Variants in COBLL1 observed in about 807,000 individuals in gnomAD.
The protein encoded by COBLL1 is cordon-bleu WH2 repeat protein like 1, also known as cordon-bleu protein-like 1.
COBLL1 carries 50 observed loss-of-function variants against 94.8 expected under a neutral mutation model. That is an observed-to-expected ratio of 0.53 (90% CI 0.42 to 0.67). The LOEUF (loss-of-function observed/expected upper bound fraction) is 0.67. COBLL1 is among the 30% of genes least tolerant of loss of function. The pLI is 0.00. For missense variants in COBLL1, 1,362 were observed against 1,348.7 expected, an observed-to-expected ratio of 1.01 and a Z score of -0.15; for synonymous variants, 448 against 473.8, an observed-to-expected ratio of 0.95 and a Z score of 0.71.
chr2:164,822,734 A>T (rs1318078412), intron 2 of COBLL1, among the ~76,000 whole-genome samples: 1 of 139,480 alleles, frequency 7.2e-6, no homozygotes, highest in Non-Finnish European at 1.6e-5. Flanking sequence ...AGATTATATT[A>T]TATTATTATT....
At chr2:164,742,531 T>C (rs1171836588) in intron 3 of COBLL1, among the ~76,000 whole-genome samples, 1 of 152,124 alleles carries the variant, frequency 6.6e-6, no homozygotes, top group African/African-American at 2.4e-5. Flanking sequence ...CATCCACAGC[T>C]GCAGGTGGGA....
At chr2:164,834,148 A>G (rs532389614) in intron 2 of COBLL1, among the ~76,000 whole-genome samples, 42 of 152,238 alleles carry the variant, frequency 2.8e-4, no homozygotes, top group Non-Finnish European at 5.3e-4. Flanking sequence ...AAGCTTGAGT[A>G]TATGAGTATC....
rs144171403 is a variant in COBLL1, at chr2:164,756,320, T to TA, written c.42-12446dup. 5.2e-3 allele frequency among the ~76,000 whole-genome samples: 793 copies of TA among 152,304 alleles called. 12 individuals carry two copies. Among genetic ancestry groups the TA allele is most frequent in the African/African-American group, 0.018 (732 of 41,572 alleles). ...TTTAATATTCACTATGATAGCCAGTTACTGAGATGCTAAGTAACATAATTC... is the reference window on the plus strand; with the variant it reads ...TTTAATATTCACTATGATAGCCAGTTAACTGAGATGCTAAGTAACATAATTC... On this transcript the variant is annotated intron_variant, in intron 2 of 13. Coordinates refer to ENST00000652658, the MANE Select transcript of COBLL1 (RefSeq NM_001365672.2).
intron 2 of COBLL1, among the ~76,000 whole-genome samples, chr2:164,772,689 T>C (rs773318636): frequency 3.3e-5 from 5 of 152,110 alleles, no homozygotes; most frequent in Non-Finnish European, 7.4e-5. Context: ...AATTAAAGGA[T>C]GCATTTAGCT....
chr2:164,818,545 A>G (rs1684970001), intron 2 of COBLL1, among the ~76,000 whole-genome samples: 1 of 148,642 alleles, frequency 6.7e-6, no homozygotes, highest in Non-Finnish European at 1.5e-5. Context: ...ATTTACATAT[A>G]TGTGTACATA....
intron 2 of COBLL1, among the ~76,000 whole-genome samples, chr2:164,805,096 AT>A (rs1684023483): frequency 1.3e-5 from 2 of 151,738 alleles, no homozygotes; most frequent in African/African-American, 4.8e-5. Flanking sequence ...ACTTTTCCAT[AT>A]TAATATTTGA....
downstream of COBLL1, among the ~76,000 whole-genome samples, chr2:164,678,904 A>G (rs988499466): frequency 6.6e-6 from 1 of 152,168 alleles, no homozygotes; most frequent in Non-Finnish European, 1.5e-5. Context: ...GAAAATGGTC[A>G]ACGCATGTTC....
intron 2 of COBLL1, among the ~76,000 whole-genome samples, chr2:164,833,562 T>G (rs1209855994): frequency 6.6e-6 from 1 of 151,514 alleles, no homozygotes. Flanking sequence ...GCCATTCTCC[T>G]GCCTCAGCCT....
At chr2:164,737,121 C>T (rs1225378080) in intron 3 of COBLL1, among the ~76,000 whole-genome samples, 1 of 152,082 alleles carries the variant, frequency 6.6e-6, no homozygotes. Context: ...ATGATTACAC[C>T]ACTGCACTCC....
At position 164,682,785 on chromosome 2, in the gene COBLL1, A is replaced by G. The variant is rs1683096852; in HGVS notation, c.*3161T>C. On this transcript the variant is annotated 3_prime_UTR_variant, in exon 14 of 14. Coordinates refer to ENST00000652658, the MANE Select transcript of COBLL1 (RefSeq NM_001365672.2). ...AAGCATAGAGAAAGTAATTTGCCCA[A>G]GATCCCATGACTCATAAGTGGCAGA... 1 of 152,102 alleles carries G rather than the reference A, an allele frequency of 6.6e-6. No homozygotes were observed. Among genetic ancestry groups the G allele is most frequent in the African/African-American group, 2.4e-5 (1 of 41,420 alleles). 9.4% of individuals were successfully genotyped at this position (152,102 alleles called of 1,614,324 possible).
At chr2:164,675,836 C>T (rs188443865), downstream of COBLL1, among the ~76,000 whole-genome samples, 45 of 152,222 alleles carry the variant, frequency 3.0e-4, no homozygotes, top group Non-Finnish European at 5.6e-4. Flanking sequence ...AATTGAAAGA[C>T]AGATAACATA....
intron 12 of COBLL1, among the ~76,000 whole-genome samples, 190 bp downstream of exon 12, chr2:164,694,079 A>G (rs1476450759): frequency 6.6e-6 from 1 of 152,174 alleles, no homozygotes; most frequent in Non-Finnish European, 1.5e-5. Flanking sequence ...TACCTAAACA[A>G]GTTATATAAG....
chr2:164,706,003 G>A (rs904748590), intron 7 of COBLL1, among the ~76,000 whole-genome samples: 1 of 152,124 alleles, frequency 6.6e-6, no homozygotes, highest in South Asian at 2.1e-4. Context: ...CATTGCACTC[G>A]AGCCTGGGCG....
chr2:164,800,523 TA>T lies in COBLL1; in HGVS notation c.41+40632del. The T allele has an allele frequency of 1.3e-5, 9 of 702,022 alleles. No individual in the cohort carries two copies. In the South Asian group the frequency reaches 1.3e-4, roughly 10 times the overall value. 43.5% of individuals were successfully genotyped at this position (702,022 alleles called of 1,614,324 possible). ...AATGGTCTAGAAGTTTCTTATTAAATATACACTTACCATGACCCAGCAATCT... is the reference window on the plus strand; with the variant it reads ...AATGGTCTAGAAGTTTCTTATTAAATTACACTTACCATGACCCAGCAATCT... On this transcript the variant is annotated intron_variant, in intron 2 of 13. Coordinates refer to ENST00000652658, the MANE Select transcript of COBLL1 (RefSeq NM_001365672.2).
At chr2:164,818,374 G>T (rs532597436) in intron 2 of COBLL1, among the ~76,000 whole-genome samples, 3 of 135,646 alleles carry the variant, frequency 2.2e-5, no homozygotes, top group African/African-American at 8.2e-5. Flanking sequence ...GTGTACATGC[G>T]TATGTGTGCA....
At chr2:164,804,158 C>T (rs891502540) in intron 2 of COBLL1, among the ~76,000 whole-genome samples, 6 of 149,416 alleles carry the variant, frequency 4.0e-5, no homozygotes, top group Non-Finnish European at 8.9e-5. Context: ...ATGACAGAAT[C>T]TGAGTTGCAT....
intron 1 of COBLL1, among the ~76,000 whole-genome samples, chr2:164,674,207 C>T (rs768458040): frequency 9.2e-5 from 14 of 152,048 alleles, no homozygotes; most frequent in South Asian, 2.1e-4. Flanking sequence ...ACTATAGGCA[C>T]GCACCACCAG....
intron 7 of COBLL1, among the ~76,000 whole-genome samples, chr2:164,712,261 T>C (rs919645762): frequency 6.6e-6 from 1 of 152,110 alleles, no homozygotes; most frequent in Non-Finnish European, 1.5e-5. Context: ...AAAGAATACA[T>C]ATGGAAAATA....
chr2:164,720,956 A>G (rs1248155946), intron 7 of COBLL1, among the ~76,000 whole-genome samples: 1 of 152,266 alleles, frequency 6.6e-6, no homozygotes, highest in African/African-American at 2.4e-5. Context: ...TACCACAAAT[A>G]CTAAATTAGA....
Sources: allele counts gnomAD v4.1 joint callset (sites outside exome capture counted in the v4.1 genomes callset), GRCh38; gene constraint gnomAD v4.1.1; transcripts MANE v1.5; gene names NCBI Gene and HGNC (gene_info 2026-07-23, HGNC 2026-07-21).